POLI: variants seen among roughly 807,000 people sequenced by gnomAD.
The protein encoded by POLI is RAD30 homolog B.
POLI carries 58 observed loss-of-function variants against 51.6 expected under a neutral mutation model. The observed-to-expected ratio is 1.12, with a 90% CI of 0.91 to 1.40. The LOEUF (loss-of-function observed/expected upper bound fraction) is 1.40, where lower values mean the gene tolerates loss of function less well. POLI is among the 40% of genes most tolerant of loss of function. The probability of loss-of-function intolerance (pLI) is 0.00; values close to 1 mark genes in which losing one functional copy is unlikely to be tolerated. For synonymous variants in POLI, 322 were observed against 299.7 expected (o/e 1.07, Z -0.77); for missense variants, 921 against 871.3 (o/e 1.06, Z -0.72).
intron 3 of POLI, among the ~76,000 whole-genome samples, chr18:54,314,800 C>G (rs2088710938): frequency 6.7e-6 from 1 of 149,232 alleles, no homozygotes; most frequent in African/African-American, 2.5e-5. Context: ...TCTGTGGGAT[C>G]AGTTGTAATG....
chr18:54,279,402 C>G (rs2087398042), intron 4 of POLI, among the ~76,000 whole-genome samples: 1 of 151,908 alleles, frequency 6.6e-6, no homozygotes, highest in African/African-American at 2.4e-5. Flanking sequence ...GCCACTACAC[C>G]CGGCTAATTT....
At chr18:54,301,308 T>C (rs1010134827), downstream of POLI, among the ~76,000 whole-genome samples, 20 of 151,926 alleles carry the variant, frequency 1.3e-4, no homozygotes, top group Non-Finnish European at 2.1e-4. Context: ...ATTTGAATAC[T>C]TTTTTCTCAA....
chr18:54,295,108 G>A lies in POLI; in HGVS notation c.*641G>A, dbSNP rs1329654080. 1.0e-6 allele frequency: 1 copy of A among 985,288 alleles called. No individual in the cohort carries two copies. Among genetic ancestry groups the A allele is most frequent in the Non-Finnish European group, 1.2e-6 (1 of 829,980 alleles). 61.0% of individuals were successfully genotyped at this position (985,288 alleles called of 1,614,324 possible). On this transcript the variant is annotated 3_prime_UTR_variant, in exon 10 of 10. Transcript: ENST00000579534. ...GGGTGGGGAGTTAAAGTGAGAGGAG[G>A]GTATATGTTATAGAGAACAGTGGTA... is the stretch of plus-strand genomic sequence containing the variant.
At chr18:54,284,965 C>CT (rs896325899) in intron 7 of POLI, among the ~76,000 whole-genome samples, 1 of 152,170 alleles carries the variant, frequency 6.6e-6, no homozygotes, top group African/African-American at 2.4e-5. Flanking sequence ...TTTCAGGGCT[C>CT]TAACAGTTTA....
intron 3 of POLI, among the ~76,000 whole-genome samples, chr18:54,308,244 G>A (rs1402579489): frequency 1.3e-5 from 2 of 152,132 alleles, no homozygotes; most frequent in African/African-American, 4.8e-5. Flanking sequence ...CATGTTTAGT[G>A]CTTCCTTCAG....
chr18:54,286,148 G>A (rs2087731217), intron 7 of POLI, among the ~76,000 whole-genome samples: 1 of 152,188 alleles, frequency 6.6e-6, no homozygotes, highest in Non-Finnish European at 1.5e-5. Flanking sequence ...ACAGGTACGA[G>A]GCACCGTGCC....
intron 8 of POLI, among the ~76,000 whole-genome samples, chr18:54,288,274 G>A (rs1307971162): frequency 6.6e-6 from 1 of 152,100 alleles, no homozygotes; most frequent in Non-Finnish European, 1.5e-5. Flanking sequence ...TGTTTTTGGT[G>A]TTATATGTAA....
At chr18:54,285,461 T>G (rs375559300) in intron 7 of POLI, among the ~76,000 whole-genome samples, 1 of 151,890 alleles carries the variant, frequency 6.6e-6, no homozygotes, top group East Asian at 1.9e-4. Context: ...CCACGGGCCC[T>G]TATTTCAGTG....
chr18:54,289,741 A>G (rs971029092), intron 8 of POLI, among the ~76,000 whole-genome samples: 1 of 152,076 alleles, frequency 6.6e-6, no homozygotes, highest in African/African-American at 2.4e-5. Context: ...GATTCCCTAT[A>G]TAATAAATGG....
intron 8 of POLI, among the ~76,000 whole-genome samples, chr18:54,290,043 C>G (rs1288964506): frequency 6.6e-6 from 1 of 152,134 alleles, no homozygotes; most frequent in Non-Finnish European, 1.5e-5. Flanking sequence ...GAACAGGCAA[C>G]CTACAGAATG....
Position 54,295,514 on chromosome 18 carries a change from A to G in POLI, c.*1047A>G. 2.1e-6 allele frequency: 2 copies of G among 932,848 alleles called. No homozygotes were observed. Among genetic ancestry groups the G allele is most frequent in the Non-Finnish European group, 2.6e-6 (2 of 782,130 alleles). 57.8% of individuals were successfully genotyped at this position (932,848 alleles called of 1,614,324 possible). A position where few individuals can be genotyped will look rare whatever the true frequency, so the allele number is the denominator to read the frequency against. On this transcript the variant is annotated 3_prime_UTR_variant, in exon 10 of 10. Transcript: ENST00000579534. ...CCAATATGGGAGTATCCTGGTCTCA[A>G]GTTTATAATTTTTGCACATATAATC...
At position 54,280,651 on chromosome 18, in the gene POLI, T is replaced by C; in HGVS notation, c.560-16T>C. On this transcript the variant is annotated splice_polypyrimidine_tract_variant and intron_variant, in intron 4 of 9. Coordinates refer to ENST00000579534, the MANE Select transcript of POLI (RefSeq NM_007195.3). Reference sequence around the variant, plus strand: ...GTTTTTCTTGTGACTTTGAATGACATTTGTTGTTTTTAAAGCTATAAACCT... The same window carrying C: ...GTTTTTCTTGTGACTTTGAATGACACTTGTTGTTTTTAAAGCTATAAACCT... 1 of 1,507,348 alleles carries C rather than the reference T, an allele frequency of 6.6e-7. No homozygotes were observed. The highest frequency in any genetic ancestry group is 9.2e-7 in the Non-Finnish European group (1 of 1,086,878). 93.4% of individuals were successfully genotyped at this position (1,507,348 alleles called of 1,614,324 possible). A position where few individuals can be genotyped will look rare whatever the true frequency, so the allele number is the denominator to read the frequency against.
At chr18:54,312,733 A>T (rs968602924) in intron 3 of POLI, among the ~76,000 whole-genome samples, 1 of 151,944 alleles carries the variant, frequency 6.6e-6, no homozygotes, top group African/African-American at 2.4e-5. Context: ...TCATATGTTT[A>T]TTAGCTGCTT....
chr18:54,306,885 A>G (rs1445351130), intron 3 of POLI, among the ~76,000 whole-genome samples: 1 of 152,018 alleles, frequency 6.6e-6, no homozygotes, highest in Non-Finnish European at 1.5e-5. Context: ...GTATTCTCTG[A>G]TGGTAGTTTG....
intron 3 of POLI, among the ~76,000 whole-genome samples, chr18:54,277,390 T>C (rs2087290533): frequency 6.6e-6 from 1 of 152,196 alleles, no homozygotes. Flanking sequence ...GTCACCAATT[T>C]ACTATAAGCA....
intron 3 of POLI, 70 bp from the exon 4 acceptor site, chr18:54,277,633 C>A: frequency 1.1e-6 from 1 of 907,370 alleles, no homozygotes; most frequent in Non-Finnish European, 1.7e-6. Flanking sequence ...AATTTTTAAG[C>A]ACTAGATAGT....
At chr18:54,271,101 T>C in intron 1 of POLI, 1 of 286,952 alleles carries the variant, frequency 3.5e-6, no homozygotes, top group South Asian at 8.5e-5. Context: ...TCATCCATTA[T>C]TTATCACATT....
downstream of POLI, among the ~76,000 whole-genome samples, chr18:54,303,023 G>A (rs1238695237): frequency 6.6e-6 from 1 of 152,190 alleles, no homozygotes; most frequent in Non-Finnish European, 1.5e-5. Context: ...AGCCCTGTGG[G>A]TTATCAGCTT....
intron 3 of POLI, among the ~76,000 whole-genome samples, chr18:54,305,063 G>T (rs1403025958): frequency 6.6e-6 from 1 of 152,200 alleles, no homozygotes; most frequent in Non-Finnish European, 1.5e-5. Flanking sequence ...TCAAAGATCA[G>T]ATGGTTGTAG....
Sources: gnomAD v4.1 joint callset for allele counts (sites outside exome capture counted in the v4.1 genomes callset) on GRCh38, gnomAD v4.1.1 for gene constraint, MANE v1.5 for transcripts, NCBI Gene and HGNC (gene_info 2026-07-23, HGNC 2026-07-21) for gene names.